NCOR1: variants seen among roughly 807,000 people sequenced by gnomAD.
NCOR1 encodes the protein protein phosphatase 1, regulatory subunit 109.
A neutral mutation model predicts 288.1 loss-of-function variants in NCOR1; 63 were observed. That is an observed-to-expected ratio of 0.22 (90% CI 0.18 to 0.27). The LOEUF is 0.27. Ranked by LOEUF, NCOR1 falls within the 10% of genes least tolerant of loss-of-function variation. NCOR1 has a pLI of 1.00. For synonymous variants in NCOR1, 1,007 were observed against 1,065.9 expected (o/e 0.94, Z 1.08); for missense variants, 2,397 against 3,019.2 (o/e 0.79, Z 4.83).
intron 3 of NCOR1, among the ~76,000 whole-genome samples, chr17:16,178,729 AAT>A (rs911117160): frequency 3.3e-5 from 5 of 151,980 alleles, no homozygotes; most frequent in Non-Finnish European, 7.4e-5. Flanking sequence ...CTGTTTGAAA[AAT>A]ATGTTTTTGT....
At chr17:16,092,658 TA>T (rs2065406772) in intron 21 of NCOR1, among the ~76,000 whole-genome samples, 2 of 9,214 alleles carry the variant, frequency 2.2e-4, no homozygotes, top group Admixed American at 1.6e-3. Context: ...TATATATATA[TA>T]TATATATATA....
chr17:16,154,991 A>G (rs1045936783), intron 6 of NCOR1, among the ~76,000 whole-genome samples: 1 of 152,180 alleles, frequency 6.6e-6, no homozygotes, highest in Non-Finnish European at 1.5e-5. Context: ...GCTGGCACAG[A>G]ATATACTTCC....
At position 16,048,883 on chromosome 17, in the gene NCOR1, C is replaced by A; in HGVS notation, c.6498G>T (p.Leu2166=). The change falls in exon 41 of 46, where the codon CTG becomes CTT. Residue 2166 remains leucine (L), a synonymous_variant. Transcript: ENST00000268712. ...GCTCTGCGCCCCTCTGAGACAAGAG[C>A]AGCAAGCTGTCCTGTTTCTCATGCA... ...PVVHEKQDSL[L]LLSQRGAEPA... is the part of the protein sequence containing the mutation. 6.2e-7 allele frequency: 1 copy of A among 1,613,810 alleles called. No homozygotes were observed. The highest frequency in any genetic ancestry group is 8.5e-7 in the Non-Finnish European group (1 of 1,179,788).
chr17:16,202,858 TCTTAAAGTCAAATG>T (rs2091014961), intron 1 of NCOR1, among the ~76,000 whole-genome samples: 1 of 152,148 alleles, frequency 6.6e-6, no homozygotes, highest in South Asian at 2.1e-4. Context: ...GCTCCATAAA[TCTTAAAGTCAAATG>T]CTCTTAGCCT....
intron 7 of NCOR1, among the ~76,000 whole-genome samples, chr17:16,152,988 T>C (rs1396103602): frequency 6.6e-6 from 1 of 152,174 alleles, no homozygotes; most frequent in Non-Finnish European, 1.5e-5. Context: ...TATGCACAGA[T>C]TTTTAATTTC....
Position 16,064,715 on chromosome 17 carries a change from T to C in NCOR1, c.5101+155A>G, listed in dbSNP as rs535814929. ...GCTTTTAAGGCATTCCTAAGGTATC[T>C]AGTGACAGCTGGCACATAAGAACTA... On this transcript the variant is annotated intron_variant, in intron 34 of 45. Transcript: ENST00000268712. Among the ~76,000 whole-genome samples, 48 of 152,274 alleles carry C rather than the reference T, an allele frequency of 3.2e-4. No individual in the cohort carries two copies. The East Asian group carries it at 9.2e-3, about 29-fold the overall frequency.
rs200445280 is a variant in NCOR1, at chr17:16,135,348, AT to A, written c.1509+1962del. Among the ~76,000 whole-genome samples, 1,144 of 151,944 alleles carry A rather than the reference AT, an allele frequency of 7.5e-3. 17 individuals are homozygous for A. Among genetic ancestry groups the A allele is most frequent in the East Asian group, 0.049 (253 of 5,152 alleles). On this transcript the variant is annotated intron_variant, in intron 14 of 45. Transcript: ENST00000268712. ...CTTCCTATTTCACTGTCAACACTCA[AT>A]TTATTCCTTTTCTGTCAGTACATCT...
chr17:16,149,068 G>A (rs751330185), intron 9 of NCOR1, among the ~76,000 whole-genome samples: 2 of 151,940 alleles, frequency 1.3e-5, no homozygotes, highest in African/African-American at 2.4e-5. Flanking sequence ...AGCTGACCCC[G>A]TTTCTAATAA....
intron 3 of NCOR1, among the ~76,000 whole-genome samples, chr17:16,184,644 A>C (rs997726635): frequency 3.9e-5 from 6 of 152,208 alleles, no homozygotes; most frequent in African/African-American, 1.4e-4. Flanking sequence ...CCATTATGGA[A>C]AACAGTATGA....
At chr17:16,048,188 C>T (rs1028626409) in intron 41 of NCOR1, among the ~76,000 whole-genome samples, 1 of 152,224 alleles carries the variant, frequency 6.6e-6, no homozygotes, top group Non-Finnish European at 1.5e-5. Flanking sequence ...ACTAGGCAAA[C>T]TGCACGACTA....
chr17:16,118,065 T>C, intron 17 of NCOR1, 38 bp from the exon 18 acceptor site: 3 of 1,585,982 alleles, frequency 1.9e-6, no homozygotes, highest in East Asian at 2.3e-5. Context: ...AATTGAACAG[T>C]CACCTGATCA....
intron 30 of NCOR1, among the ~76,000 whole-genome samples, chr17:16,070,855 C>G (rs192321045): frequency 6.6e-6 from 1 of 152,118 alleles, no homozygotes; most frequent in African/African-American, 2.4e-5. Context: ...CATGGAGAAA[C>G]CCTGTCTCTC....
intron 20 of NCOR1, among the ~76,000 whole-genome samples, chr17:16,100,080 A>AG (rs1394616410): frequency 1.3e-5 from 2 of 152,298 alleles, no homozygotes; most frequent in East Asian, 3.9e-4. Flanking sequence ...CTTATTAAAA[A>AG]GAAAAAAAAG....
chr17:16,079,935 T>G, intron 26 of NCOR1, 29 bp downstream of exon 26: 545 of 1,531,562 alleles, frequency 3.6e-4, no homozygotes, highest in Non-Finnish European at 4.5e-4. Context: ...GAGCTTCTGT[T>G]GAGTATATCA....
At chr17:16,147,080 G>A (rs905911014) in intron 9 of NCOR1, among the ~76,000 whole-genome samples, 1 of 152,114 alleles carries the variant, frequency 6.6e-6, no homozygotes, top group Non-Finnish European at 1.5e-5. Context: ...TTGACAGTAT[G>A]AAAAAGGCAG....
At chr17:16,070,783 G>A (rs1351378827) in intron 30 of NCOR1, among the ~76,000 whole-genome samples, 3 of 152,096 alleles carry the variant, frequency 2.0e-5, no homozygotes, top group East Asian at 1.9e-4. Flanking sequence ...TAATCCCAGC[G>A]CTTTGGGAGG....
At position 16,185,683 on chromosome 17, in the gene NCOR1, C is replaced by CAAAAAA. The variant is rs58712974; in HGVS notation, c.242+865_242+870dup. ...GGGTGACAAGAGTGAGACTCTTTCT[C>CAAAAAA]AAAAAAAAAAAAAAAAAAAAAAAAA... On this transcript the variant is annotated intron_variant, in intron 3 of 45. Transcript: ENST00000268712. Among the ~76,000 whole-genome samples, 3 of 33,390 alleles carry CAAAAAA rather than the reference C, an allele frequency of 9.0e-5. 1 individual carries two copies. Among genetic ancestry groups the CAAAAAA allele is most frequent in the Non-Finnish European group, 1.6e-4 (3 of 19,160 alleles). The allele number at this position is 33,390 out of a possible 152,430, so 21.9% of individuals were successfully genotyped here. A position where few individuals can be genotyped will look rare whatever the true frequency, so the allele number is the denominator to read the frequency against.
chr17:16,087,399 AGT>A lies in NCOR1; in HGVS notation c.3017-959_3017-958del, dbSNP rs2064414529. 2.2e-5 allele frequency: 27 copies of A among 1,203,798 alleles called. No individual in the cohort carries two copies. In the South Asian group the frequency reaches 3.4e-4, roughly 15 times the overall value. 74.6% of individuals were successfully genotyped at this position (1,203,798 alleles called of 1,614,324 possible). Reference sequence around the variant, plus strand: ...GGAAGAACCCCAAATTAAAATAGTAAGTGTGAAAGGACCAAGCCCACACCATC... The same window carrying A: ...GGAAGAACCCCAAATTAAAATAGTAAGTGAAAGGACCAAGCCCACACCATC... On this transcript the variant is annotated intron_variant, in intron 22 of 45. Transcript: ENST00000268712.
At chr17:16,151,861 A>T (rs1235364522) in intron 8 of NCOR1, 85 bp downstream of exon 8, 1 of 1,052,796 alleles carries the variant, frequency 9.5e-7, no homozygotes, top group African/African-American at 1.6e-5. Flanking sequence ...AATATATTAT[A>T]ATAATGTCAG....
Sources: gnomAD v4.1 joint callset for allele counts (sites outside exome capture counted in the v4.1 genomes callset) on GRCh38, gnomAD v4.1.1 for gene constraint, MANE v1.5 for transcripts, NCBI Gene and HGNC (gene_info 2026-07-23, HGNC 2026-07-21) for gene names.